STAC: variants seen among roughly 807,000 people sequenced by gnomAD.
STAC encodes the protein SH3 and cysteine-rich domain-containing protein.
Under a neutral mutation model 48.8 loss-of-function variants are expected in STAC, and 43 were observed. That is an observed-to-expected ratio of 0.88 (90% CI 0.69 to 1.14). STAC has a LOEUF of 1.14. Ranked by LOEUF, STAC falls within the 50% of genes most tolerant of loss-of-function variation. STAC has a pLI of 0.00. For missense variants in STAC, 497 were observed against 504.0 expected, an observed-to-expected ratio of 0.99 and a Z score of 0.13; for synonymous variants, 193 against 179.5, an observed-to-expected ratio of 1.07 and a Z score of -0.60.
At chr3:36,386,126 T>C (rs1227537281) in intron 1 of STAC, among the ~76,000 whole-genome samples, 1 of 152,084 alleles carries the variant, frequency 6.6e-6, no homozygotes, top group Non-Finnish European at 1.5e-5. Flanking sequence ...AATCCACTCT[T>C]TGTGCTACCA....
At chr3:36,421,627 G>C (rs1700452502) in intron 1 of STAC, among the ~76,000 whole-genome samples, 3 of 151,964 alleles carry the variant, frequency 2.0e-5, no homozygotes, top group Admixed American at 2.0e-4. Context: ...TTTTTGAACA[G>C]TGCTTATGCC....
chr3:36,434,582 C>T (rs879427002), intron 1 of STAC, among the ~76,000 whole-genome samples: 3 of 152,164 alleles, frequency 2.0e-5, no homozygotes, highest in Admixed American at 6.5e-5. Flanking sequence ...TAAATGTCAA[C>T]GGGCAGGAAA....
At chr3:36,452,661 G>C (rs1696715630) in intron 2 of STAC, among the ~76,000 whole-genome samples, 2 of 152,332 alleles carry the variant, frequency 1.3e-5, no homozygotes, top group South Asian at 4.1e-4. Flanking sequence ...AGGTAGAATT[G>C]CAGATAACTC....
chr3:36,532,787 C>T (rs375845057), intron 10 of STAC, among the ~76,000 whole-genome samples: 1 of 152,062 alleles, frequency 6.6e-6, no homozygotes, highest in Non-Finnish European at 1.5e-5. Context: ...TATCTCTAGC[C>T]CCTGGCTCAC....
At chr3:36,415,572 A>G (rs1220157020) in intron 1 of STAC, among the ~76,000 whole-genome samples, 1 of 152,154 alleles carries the variant, frequency 6.6e-6, no homozygotes, top group Admixed American at 6.5e-5. Flanking sequence ...ATGAAAGGGA[A>G]TTCCCTGACC....
chr3:36,512,807 G>A (rs988834521), intron 8 of STAC, among the ~76,000 whole-genome samples: 2 of 151,608 alleles, frequency 1.3e-5, no homozygotes. Context: ...TTTGCCAAGA[G>A]TTTGTAGGTT....
intron 2 of STAC, among the ~76,000 whole-genome samples, chr3:36,445,362 T>A (rs1696479635): frequency 6.6e-6 from 1 of 152,000 alleles, no homozygotes; most frequent in Non-Finnish European, 1.5e-5. Flanking sequence ...AAAAAAAGAA[T>A]CAACGAGTCT....
Position 36,494,171 on chromosome 3 carries a change from AAAAG to A in STAC, c.766+948_766+951del, listed in dbSNP as rs1299701230. ...CGTCTCAAAAAAAAAAAAAAAAAAAAAAAGAAAGAGCCACCTCGTAATCCAGAGC... is the reference window on the plus strand; with the variant it reads ...CGTCTCAAAAAAAAAAAAAAAAAAAAAAAGAGCCACCTCGTAATCCAGAGC... On this transcript the variant is annotated intron_variant, in intron 6 of 10. Coordinates refer to ENST00000273183, the MANE Select transcript of STAC (RefSeq NM_003149.3). 1.3e-3 allele frequency among the ~76,000 whole-genome samples: 196 copies of A among 150,816 alleles called. 1 individual carries two copies. Among genetic ancestry groups the A allele is most frequent in the South Asian group, 2.3e-3 (11 of 4,770 alleles).
chr3:36,382,808 C>T (rs765091869), intron 1 of STAC, among the ~76,000 whole-genome samples: 1 of 152,154 alleles, frequency 6.6e-6, no homozygotes, highest in Admixed American at 6.5e-5. Context: ...CATGTTAAAG[C>T]TTACTGGCGT....
rs1697158082 is a variant in STAC, at chr3:36,465,962, T to G, written c.389-17030T>G. Reference sequence around the variant, plus strand: ...CCAGACACACCCAGGATTAATACTTTGTATCCCTCAATCCAATCAAGCTGA... The same window carrying G: ...CCAGACACACCCAGGATTAATACTTGGTATCCCTCAATCCAATCAAGCTGA... On this transcript the variant is annotated intron_variant, in intron 2 of 10. Transcript: ENST00000273183. Among the ~76,000 whole-genome samples the G allele has an allele frequency of 3.9e-5, 6 of 152,196 alleles. No homozygotes were observed. In the South Asian group the frequency reaches 1.2e-3, roughly 32 times the overall value.
rs75466647 is a variant in STAC at position 36,402,360 on chromosome 3, G to A, written c.111+21606G>A. ...GGAAGAAGATGGGGAGAAAGAGGGC[G>A]GTGAGGAAGAAGGAAGGTGAGCATG... On this transcript the variant is annotated intron_variant, in intron 1 of 10. Coordinates refer to ENST00000273183, the MANE Select transcript of STAC (RefSeq NM_003149.3). Among the ~76,000 whole-genome samples the A allele has an allele frequency of 1.1e-3, 172 of 151,812 alleles. 3 individuals are homozygous for A. The East Asian group carries it at 0.026, about 23-fold the overall frequency.
chr3:36,483,828 G>A (rs1306297803), intron 3 of STAC, among the ~76,000 whole-genome samples: 1 of 152,194 alleles, frequency 6.6e-6, no homozygotes, highest in Non-Finnish European at 1.5e-5. Flanking sequence ...GTGTGTGCCT[G>A]TAGTTCCAGC....
intron 2 of STAC, among the ~76,000 whole-genome samples, chr3:36,452,369 T>C (rs1176027674): frequency 1.3e-5 from 2 of 152,190 alleles, no homozygotes; most frequent in African/African-American, 4.8e-5. Flanking sequence ...CCTTATGGCA[T>C]TGTCTAAAGG....
intron 8 of STAC, among the ~76,000 whole-genome samples, chr3:36,515,598 G>A (rs769700713): frequency 1.5e-4 from 23 of 152,116 alleles, no homozygotes; most frequent in Admixed American, 4.6e-4. Context: ...AAGTGAAAGC[G>A]GGTAGAGGAA....
chr3:36,429,410 C>T (rs760935478), intron 1 of STAC, among the ~76,000 whole-genome samples: 5 of 152,138 alleles, frequency 3.3e-5, no homozygotes, highest in African/African-American at 9.7e-5. Context: ...TTATGACTGC[C>T]GATGTGTTTC....
chr3:36,461,070 G>T (rs953875420), intron 2 of STAC, among the ~76,000 whole-genome samples: 8 of 152,118 alleles, frequency 5.3e-5, no homozygotes, highest in African/African-American at 1.9e-4. Context: ...TAACATCTTG[G>T]TGTGTGCCCT....
rs10573449 is a variant in STAC at position 36,448,901 on chromosome 3, AC to A, written c.388+5272del. ...AAGACCAGCCTGGGCAAAACAGTGAACCCCCCCCCCCACTCCCGACCCAGTC... is the reference window on the plus strand; with the variant it reads ...AAGACCAGCCTGGGCAAAACAGTGAACCCCCCCCCCACTCCCGACCCAGTC... On this transcript the variant is annotated intron_variant, in intron 2 of 10. Transcript: ENST00000273183. 7.0e-3 allele frequency among the ~76,000 whole-genome samples: 1,002 copies of A among 143,164 alleles called. 15 individuals are homozygous for A. The highest frequency in any genetic ancestry group is 0.024 in the African/African-American group (921 of 38,584). The allele number at this position is 143,164 out of a possible 152,430, so 93.9% of individuals were successfully genotyped here. A position where few individuals can be genotyped will look rare whatever the true frequency, so the allele number is the denominator to read the frequency against.
chr3:36,507,525 C>T (rs185097266), intron 8 of STAC, among the ~76,000 whole-genome samples: 87 of 152,254 alleles, frequency 5.7e-4, no homozygotes, highest in African/African-American at 1.9e-3. Context: ...TGGTAGAATT[C>T]GGCTATGATT....
intron 2 of STAC, among the ~76,000 whole-genome samples, chr3:36,456,155 C>T (rs887684285): frequency 6.6e-6 from 1 of 152,150 alleles, no homozygotes; most frequent in Non-Finnish European, 1.5e-5. Flanking sequence ...TTCATATCCA[C>T]TTCAGCCTGT....
Sources: allele counts gnomAD v4.1 joint callset (sites outside exome capture counted in the v4.1 genomes callset), GRCh38; gene constraint gnomAD v4.1.1; transcripts MANE v1.5; gene names NCBI Gene and HGNC (gene_info 2026-07-23, HGNC 2026-07-21).